The following RAP1A variants were observed in gnomAD, a reference collection of about 807,000 sequenced individuals.
RAP1A encodes the protein ras-related protein Rap-1A.
Under a neutral mutation model 26.4 loss-of-function variants are expected in RAP1A, and 6 were observed. That is an observed-to-expected ratio of 0.23 (90% CI 0.12 to 0.45). The LOEUF is 0.45. Among genes scored for constraint, RAP1A ranks in the 20% least tolerant of loss-of-function variants. The pLI is 0.99. For synonymous variants in RAP1A, 73 were observed against 79.4 expected (o/e 0.92, Z 0.43); for missense variants, 121 against 217.2 (o/e 0.56, Z 2.78).
intron 1 of RAP1A, among the ~76,000 whole-genome samples, chr1:111,557,366 G>T (rs993174859): frequency 6.6e-6 from 1 of 152,086 alleles, no homozygotes; most frequent in Non-Finnish European, 1.5e-5. Flanking sequence ...GGCTAACACG[G>T]TGAAACCCTG....
chr1:111,578,684 C>CAA (rs1455070553), intron 1 of RAP1A, among the ~76,000 whole-genome samples: 1 of 152,110 alleles, frequency 6.6e-6, no homozygotes, highest in African/African-American at 2.4e-5. Flanking sequence ...TTTCCCCGTA[C>CAA]ACCAAGCAAT....
intron 1 of RAP1A, among the ~76,000 whole-genome samples, chr1:111,565,924 G>C (rs529601262): frequency 2.0e-5 from 3 of 152,204 alleles, no homozygotes; most frequent in African/African-American, 7.2e-5. Context: ...CAGGGATGTA[G>C]AAGAAACCTC....
intron 1 of RAP1A, among the ~76,000 whole-genome samples, chr1:111,566,095 G>A (rs1407790009): frequency 3.9e-5 from 6 of 152,190 alleles, no homozygotes; most frequent in South Asian, 4.1e-4. Context: ...TGAAGGTCTC[G>A]TGTGTTATTT....
In RAP1A at chr1:111,655,658, CTTTTTTT is replaced by C. The variant is rs34266778; in HGVS notation, c.-27-35655_-27-35649del. Among the ~76,000 whole-genome samples, 143 of 85,160 alleles carry C rather than the reference CTTTTTTT, an allele frequency of 1.7e-3. 3 individuals are homozygous for C. Among genetic ancestry groups the C allele is most frequent in the East Asian group, 4.9e-3 (13 of 2,668 alleles). The allele number at this position is 85,160 out of a possible 152,430, so 55.9% of individuals were successfully genotyped here. The stretch of plus-strand genomic sequence containing the variant: ...GAAGAACCTTAAAAATGTTCATAGT[CTTTTTTT>C]TTTTTTTTTTTTTTTTTTTTAAGAC... On this transcript the variant is annotated intron_variant, in intron 1 of 7. Transcript: ENST00000369709.
chr1:111,651,539 C>T (rs548247631), intron 1 of RAP1A, among the ~76,000 whole-genome samples: 7 of 147,452 alleles, frequency 4.7e-5, no homozygotes, highest in Admixed American at 2.1e-4. Context: ...TGCAGTGGCA[C>T]GATCTTGGCT....
chr1:111,593,163 C>G (rs1226317112), intron 1 of RAP1A, among the ~76,000 whole-genome samples: 1 of 152,162 alleles, frequency 6.6e-6, no homozygotes, highest in East Asian at 1.9e-4. Flanking sequence ...CTGACTCAAG[C>G]TAAGCCCAGG....
chr1:111,693,227 A>G (rs1342233500), intron 2 of RAP1A, among the ~76,000 whole-genome samples: 2 of 152,204 alleles, frequency 1.3e-5, no homozygotes, highest in Admixed American at 6.5e-5. Flanking sequence ...TAGTCAGGTC[A>G]TGTTGCCATA....
intron 1 of RAP1A, among the ~76,000 whole-genome samples, chr1:111,666,352 C>T (rs1660794670): frequency 6.6e-6 from 1 of 152,094 alleles, no homozygotes; most frequent in Non-Finnish European, 1.5e-5. Flanking sequence ...TTGTACAGTT[C>T]TATGTGGTAA....
chr1:111,598,576 C>T (rs1214368483), intron 1 of RAP1A, among the ~76,000 whole-genome samples: 1 of 152,106 alleles, frequency 6.6e-6, no homozygotes, highest in African/African-American at 2.4e-5. Flanking sequence ...CTTCAGTAAA[C>T]ACAGTGTGAA....
chr1:111,649,038 T>G (rs1660172580), intron 1 of RAP1A: 1 of 620,932 alleles, frequency 1.6e-6, no homozygotes, highest in South Asian at 1.4e-5. Context: ...TCCGTGGATG[T>G]CACTCTCCAC....
intron 3 of RAP1A, among the ~76,000 whole-genome samples, chr1:111,697,040 C>T (rs186487393): frequency 1.3e-5 from 2 of 152,238 alleles, no homozygotes; most frequent in Admixed American, 1.3e-4. Context: ...ATGTTGTGCG[C>T]ATTTTGAGCC....
At chr1:111,584,319 A>T (rs1658320394) in intron 1 of RAP1A, among the ~76,000 whole-genome samples, 1 of 152,138 alleles carries the variant, frequency 6.6e-6, no homozygotes, top group Non-Finnish European at 1.5e-5. Context: ...ATAACAAAAT[A>T]CGTTACACTG....
chr1:111,695,798 A>ATAT (rs1248456362), intron 3 of RAP1A, among the ~76,000 whole-genome samples: 1 of 152,212 alleles, frequency 6.6e-6, no homozygotes, highest in Non-Finnish European at 1.5e-5. Flanking sequence ...AAGTTTAAAG[A>ATAT]TATCTTTAGA....
At position 111,688,552 on chromosome 1, in the gene RAP1A, T is replaced by C. The variant is rs1447516175; in HGVS notation, c.-27-2782T>C. 7.2e-4 allele frequency among the ~76,000 whole-genome samples: 109 copies of C among 151,910 alleles called. 2 individuals carry two copies. The highest frequency in any genetic ancestry group is 1.2e-4 in the Non-Finnish European group (8 of 67,966). The stretch of plus-strand genomic sequence containing the variant: ...CCAGGCTGGTTGCGAACTCCTGAGC[T>C]CAGGCAATTTGCCCACCTTGGCCTC... On this transcript the variant is annotated intron_variant, in intron 1 of 7. Transcript: ENST00000369709.
intron 1 of RAP1A, among the ~76,000 whole-genome samples, chr1:111,551,217 C>G (rs145664187): frequency 6.6e-6 from 1 of 152,084 alleles, no homozygotes; most frequent in South Asian, 2.1e-4. Context: ...CTTTTGAGAG[C>G]TAATTCATTC....
At chr1:111,604,730 C>A (rs1375832282) in intron 1 of RAP1A, 1 of 152,150 alleles carries the variant, frequency 6.6e-6, no homozygotes, top group Non-Finnish European at 1.5e-5. Flanking sequence ...GGTGAATTTC[C>A]TTTCTTATAA....
At chr1:111,672,602 C>G (rs1661008837) in intron 1 of RAP1A, among the ~76,000 whole-genome samples, 2 of 151,892 alleles carry the variant, frequency 1.3e-5, no homozygotes, top group South Asian at 4.2e-4. Flanking sequence ...TGCACGGCAG[C>G]CTAACACTTA....
At chr1:111,704,245 T>C in intron 5 of RAP1A, 98 bp from the exon 6 acceptor site, 3 of 1,277,190 alleles carry the variant, frequency 2.3e-6, no homozygotes, top group Non-Finnish European at 3.2e-6. Flanking sequence ...TCCCAACTAA[T>C]GCATTTCAGT....
chr1:111,599,895 T>A (rs1307910830), intron 1 of RAP1A: 1 of 152,080 alleles, frequency 6.6e-6, no homozygotes, highest in Non-Finnish European at 1.5e-5. Context: ...ACCATTCCCT[T>A]GGTGATGAGT....
Sources: allele counts gnomAD v4.1 joint callset (sites outside exome capture counted in the v4.1 genomes callset), GRCh38; gene constraint gnomAD v4.1.1; transcripts MANE v1.5; gene names NCBI Gene and HGNC (gene_info 2026-07-23, HGNC 2026-07-21).